MAF: variants seen among roughly 807,000 people sequenced by gnomAD.
The protein encoded by MAF is MAF bZIP transcription factor, also known as transcription factor Maf.
Under a neutral mutation model 22.0 loss-of-function variants are expected in MAF, and 10 were observed. That is an observed-to-expected ratio of 0.45 (90% confidence interval 0.28 to 0.77). MAF has a LOEUF of 0.77. MAF is among the 30% of genes least tolerant of loss of function. MAF has a pLI of 0.12. For synonymous variants in MAF, 337 were observed against 255.8 expected, an observed-to-expected ratio of 1.32 and a Z score of -3.03; for missense variants, 544 against 548.4, an observed-to-expected ratio of 0.99 and a Z score of 0.08.
the MAF span, among the ~76,000 whole-genome samples, chr16:79,338,488 C>T: frequency 6.6e-6 from 1 of 152,174 alleles, no homozygotes; most frequent in Non-Finnish European, 1.5e-5. Flanking sequence ...ATCTACTATG[C>T]TTTAGGCAAA....
At chr16:79,589,088 A>G (rs761256378), downstream of MAF, among the ~76,000 whole-genome samples, 3 of 152,062 alleles carry the variant, frequency 2.0e-5, no homozygotes, top group Non-Finnish European at 4.4e-5. Context: ...AGAGGGAGAG[A>G]GTAAAAAGTA....
the MAF span, among the ~76,000 whole-genome samples, chr16:79,224,772 G>C: frequency 6.6e-6 from 1 of 152,076 alleles, no homozygotes; most frequent in Non-Finnish European, 1.5e-5. Flanking sequence ...TTGCTACAAA[G>C]AGAATAAAAT....
chr16:79,567,352 G>T, the MAF span, among the ~76,000 whole-genome samples: 9 of 151,870 alleles, frequency 5.9e-5, no homozygotes, highest in African/African-American at 1.2e-4. Context: ...AGCTAGAGGG[G>T]TCACTCATTC....
At chr16:79,518,917 C>T in the MAF span, among the ~76,000 whole-genome samples, 1 of 152,100 alleles carries the variant, frequency 6.6e-6, no homozygotes, top group Non-Finnish European at 1.5e-5. Flanking sequence ...AAGAGTGAAA[C>T]TCTGTCTCAA....
the MAF span, among the ~76,000 whole-genome samples, chr16:79,557,409 G>T: frequency 6.6e-6 from 1 of 152,010 alleles, no homozygotes; most frequent in Non-Finnish European, 1.5e-5. Context: ...AGCAAAAACA[G>T]CTCTGGCCAT....
chr16:79,334,553 T>C, the MAF span, among the ~76,000 whole-genome samples: 4 of 152,166 alleles, frequency 2.6e-5, no homozygotes, highest in Non-Finnish European at 5.9e-5. Context: ...GATTGTATGA[T>C]TAATTTGCAA....
At chr16:79,211,684 A>C in the MAF span, 3 of 1,614,048 alleles carry the variant, frequency 1.9e-6, no homozygotes, top group African/African-American at 1.3e-5. Flanking sequence ...TACTTCAACA[A>C]CTGCTGCCGC....
the MAF span, among the ~76,000 whole-genome samples, chr16:79,362,640 G>A: frequency 6.6e-6 from 1 of 152,184 alleles, no homozygotes; most frequent in Non-Finnish European, 1.5e-5. Context: ...CTTGTCAAAG[G>A]CAGACGGGGT....
chr16:79,368,824 A>G, the MAF span, among the ~76,000 whole-genome samples: 1 of 152,180 alleles, frequency 6.6e-6, no homozygotes, highest in South Asian at 2.1e-4. Flanking sequence ...TCAGCTTCCC[A>G]TTCAAACCTT....
the MAF span, among the ~76,000 whole-genome samples, chr16:79,349,792 A>G: frequency 9.9e-5 from 15 of 152,116 alleles, no homozygotes; most frequent in Admixed American, 2.6e-4. Flanking sequence ...CTAGATTGAA[A>G]ACCTAACTGC....
the MAF span, among the ~76,000 whole-genome samples, chr16:79,499,273 T>G: frequency 6.6e-6 from 1 of 152,298 alleles, no homozygotes; most frequent in Admixed American, 6.5e-5. Context: ...TCTGTTCCTT[T>G]TGGGTCTCAT....
chr16:79,356,952 T>A, the MAF span, among the ~76,000 whole-genome samples: 1 of 152,200 alleles, frequency 6.6e-6, no homozygotes, highest in Admixed American at 6.5e-5. Context: ...GTTTTCTTTT[T>A]AATTGAAAAT....
chr16:79,430,782 C>T, the MAF span, among the ~76,000 whole-genome samples: 6 of 152,232 alleles, frequency 3.9e-5, no homozygotes, highest in African/African-American at 1.4e-4. Flanking sequence ...GGCCCCCAGT[C>T]CCTGTCTGCC....
At chr16:79,524,661 C>T in the MAF span, among the ~76,000 whole-genome samples, 22 of 152,218 alleles carry the variant, frequency 1.4e-4, no homozygotes, top group African/African-American at 4.1e-4. Context: ...TTTTCCTCGA[C>T]AGCTACTTCT....
At chr16:79,469,470 T>G in the MAF span, among the ~76,000 whole-genome samples, 1 of 152,168 alleles carries the variant, frequency 6.6e-6, no homozygotes, top group Non-Finnish European at 1.5e-5. Flanking sequence ...CCTCTATAAG[T>G]AGAGATGATA....
At chr16:79,381,899 A>C in the MAF span, among the ~76,000 whole-genome samples, 1 of 152,180 alleles carries the variant, frequency 6.6e-6, no homozygotes, top group Non-Finnish European at 1.5e-5. Flanking sequence ...AATGAAGACG[A>C]GAGAAAGGTT....
At chr16:79,400,985 C>T in the MAF span, among the ~76,000 whole-genome samples, 1 of 152,188 alleles carries the variant, frequency 6.6e-6, no homozygotes, top group African/African-American at 2.4e-5. Context: ...ACACAGGCGT[C>T]CAGCCCTGGG....
At chr16:79,598,210 G>C in intron 1 of MAF, 1 of 1,056,906 alleles carries the variant, frequency 9.5e-7, no homozygotes, top group Non-Finnish European at 1.1e-6. Flanking sequence ...GAGAAGGAGT[G>C]AGGGTGGAGG....
the MAF span, among the ~76,000 whole-genome samples, chr16:79,355,345 G>T: frequency 6.6e-6 from 1 of 152,218 alleles, no homozygotes; most frequent in Non-Finnish European, 1.5e-5. Flanking sequence ...TGTAGCTCAG[G>T]CTGTGGTCGT....
Sources: gnomAD v4.1 joint callset for allele counts (sites outside exome capture counted in the v4.1 genomes callset) on GRCh38, gnomAD v4.1.1 for gene constraint, MANE v1.5 for transcripts, NCBI Gene and HGNC (gene_info 2026-07-23, HGNC 2026-07-21) for gene names.